Variants in ARIH1 observed in about 807,000 individuals in gnomAD.
ARIH1 encodes the protein E3 ubiquitin-protein ligase ARIH1.
In ARIH1, 8 loss-of-function variants were observed where a neutral mutation model predicts 85.0. The observed-to-expected ratio is 0.09, with a 90% CI of 0.06 to 0.17. The LOEUF (loss-of-function observed/expected upper bound fraction) is 0.17. Ranked by LOEUF, ARIH1 falls within the 10% of genes least tolerant of loss-of-function variation. The pLI is 1.00. For missense variants in ARIH1, 311 were observed against 718.1 expected, an observed-to-expected ratio of 0.43 and a Z score of 6.48; for synonymous variants, 238 against 253.6, an observed-to-expected ratio of 0.94 and a Z score of 0.59.
chr15:72,518,908 G>C (rs1224086783), intron 2 of ARIH1, among the ~76,000 whole-genome samples: 2 of 152,060 alleles, frequency 1.3e-5, no homozygotes, highest in Non-Finnish European at 2.9e-5. Flanking sequence ...CCAGGTGCTT[G>C]GACTGGTTCT....
chr15:72,507,398 A>G (rs978756157), intron 1 of ARIH1, among the ~76,000 whole-genome samples: 8 of 152,150 alleles, frequency 5.3e-5, no homozygotes, highest in South Asian at 2.1e-4. Flanking sequence ...GTGCATCCAG[A>G]TTATGATTCT....
intron 2 of ARIH1, among the ~76,000 whole-genome samples, chr15:72,538,137 G>A (rs1018249998): frequency 3.3e-5 from 5 of 152,140 alleles, no homozygotes; most frequent in African/African-American, 1.2e-4. Context: ...GCTGAGGTGG[G>A]CAGATCACTT....
At chr15:72,553,762 CA>C (rs2064162771) in intron 3 of ARIH1, among the ~76,000 whole-genome samples, 1 of 152,218 alleles carries the variant, frequency 6.6e-6, no homozygotes, top group African/African-American at 2.4e-5. Context: ...ACTAAAAATA[CA>C]AAAATTAGCT....
chr15:72,567,232 T>G, intron 9 of ARIH1, 55 bp downstream of exon 9: 1 of 1,446,606 alleles, frequency 6.9e-7, no homozygotes, highest in East Asian at 2.4e-5. Flanking sequence ...GATTGGTACT[T>G]TGGCATTAGC....
intron 5 of ARIH1, among the ~76,000 whole-genome samples, chr15:72,557,956 G>C (rs1297746587): frequency 6.6e-6 from 1 of 152,072 alleles, no homozygotes; most frequent in Non-Finnish European, 1.5e-5. Flanking sequence ...GAGTCTTTAG[G>C]GTTATTTCTA....
chr15:72,515,520 A>C (rs1217902982), intron 1 of ARIH1, among the ~76,000 whole-genome samples: 1 of 152,034 alleles, frequency 6.6e-6, no homozygotes, highest in East Asian at 1.9e-4. Context: ...GGACATTTTG[A>C]ATATTGTATT....
At position 72,474,755 on chromosome 15, in the gene ARIH1, C is replaced by T. The variant is rs751293008; in HGVS notation, c.116C>T (p.Thr39Ile). 17 of 1,553,368 alleles carry T rather than the reference C, an allele frequency of 1.1e-5. No homozygotes were observed. The highest frequency in any genetic ancestry group is 1.5e-5 in the Non-Finnish European group (17 of 1,150,564). The stretch of plus-strand genomic sequence containing the variant: ...GACGACGACGAGCCGGACGATGATA[C>T]CCTGGATCTGGGCGAGGTGGAGCTG... Reference protein sequence around the residue: ...DEDDDEPDDDTLDLGEVELVE... With the variant: ...DEDDDEPDDDILDLGEVELVE... Residue 39 changes from threonine (T) to isoleucine (I), a missense_variant, in exon 1 of 14, where the codon ACC becomes ATC. By Grantham distance (89) the Thr-to-Ile change is moderately conservative (BLOSUM62 -1). Coordinates refer to ENST00000379887, the MANE Select transcript of ARIH1 (RefSeq NM_005744.5).
chr15:72,595,808 G>GTTTTTTTTTTTTTTTTTTCTTTT lies in ARIH1; in HGVS notation c.*12535_*12536insTTTTTTTTTTTTTTTTTTTTTTC, dbSNP rs2064361248. 1 of 122,836 alleles carries GTTTTTTTTTTTTTTTTTTCTTTT rather than the reference G, an allele frequency of 8.1e-6. No homozygotes were observed. Among genetic ancestry groups the GTTTTTTTTTTTTTTTTTTCTTTT allele is most frequent in the Non-Finnish European group, 1.7e-5 (1 of 57,682 alleles). The allele number at this position is 122,836 out of a possible 1,614,324, so 7.6% of individuals were successfully genotyped here. ...TATTGCAGTGTTTTTTGTTTTTTCT[G>GTTTTTTTTTTTTTTTTTTCTTTT]TTTTTTTTTTTTTTTTTTCATCTTT... On this transcript the variant is annotated 3_prime_UTR_variant, in exon 14 of 14. Coordinates refer to ENST00000379887, the MANE Select transcript of ARIH1 (RefSeq NM_005744.5).
At chr15:72,522,734 AT>A (rs1167918190) in intron 2 of ARIH1, among the ~76,000 whole-genome samples, 2 of 152,230 alleles carry the variant, frequency 1.3e-5, no homozygotes, top group Non-Finnish European at 2.9e-5. Flanking sequence ...CTGAGAAGAT[AT>A]TTGCAAAAGA....
intron 1 of ARIH1, among the ~76,000 whole-genome samples, chr15:72,497,322 CTA>C (rs972587250): frequency 1.3e-5 from 2 of 152,062 alleles, no homozygotes; most frequent in African/African-American, 4.8e-5. Flanking sequence ...TGAAAATAAT[CTA>C]AATCTTCCTG....
intron 2 of ARIH1, among the ~76,000 whole-genome samples, chr15:72,538,747 G>C (rs1198847323): frequency 6.6e-6 from 1 of 152,202 alleles, no homozygotes; most frequent in Admixed American, 6.5e-5. Context: ...ATTCTGGAAA[G>C]TTGTCTGAGT....
At chr15:72,559,581 T>C (rs1191684802) in intron 5 of ARIH1, among the ~76,000 whole-genome samples, 1 of 152,192 alleles carries the variant, frequency 6.6e-6, no homozygotes, top group Non-Finnish European at 1.5e-5. Flanking sequence ...AGCAACTGTA[T>C]TTTTAAGTAT....
In ARIH1 at chr15:72,596,551, TCTC is replaced by T. The variant is rs1237714487; in HGVS notation, c.*13263_*13265del. ...TTCTCTTGTCTCATACTCTCTTGCT[TCTC>T]CTCTTCTTTGGAGATTCTAGTTACA... is the stretch of plus-strand genomic sequence containing the variant. On this transcript the variant is annotated 3_prime_UTR_variant, in exon 14 of 14. Coordinates refer to ENST00000379887, the MANE Select transcript of ARIH1 (RefSeq NM_005744.5). The T allele has an allele frequency of 1.3e-5, 2 of 152,220 alleles. No individual in the cohort carries two copies. Among genetic ancestry groups the T allele is most frequent in the Admixed American group, 1.3e-4 (2 of 15,284 alleles). The allele number at this position is 152,220 out of a possible 1,614,324, so 9.4% of individuals were successfully genotyped here.
At chr15:72,516,824 T>C (rs1198048516) in intron 1 of ARIH1, among the ~76,000 whole-genome samples, 1 of 152,226 alleles carries the variant, frequency 6.6e-6, no homozygotes, top group Non-Finnish European at 1.5e-5. Context: ...GGTCTGCTTG[T>C]GGTGAAGTAA....
At chr15:72,495,558 A>T (rs889028035) in intron 1 of ARIH1, among the ~76,000 whole-genome samples, 1 of 152,232 alleles carries the variant, frequency 6.6e-6, no homozygotes, top group Admixed American at 6.5e-5. Context: ...TAAACAAAAG[A>T]ATATACAAAT....
chr15:72,530,708 T>G (rs1489330586), intron 2 of ARIH1, among the ~76,000 whole-genome samples: 1 of 152,178 alleles, frequency 6.6e-6, no homozygotes, highest in African/African-American at 2.4e-5. Flanking sequence ...CATTCAGATT[T>G]GGAAAAAAAT....
intron 7 of ARIH1, 50 bp from the exon 8 acceptor site, chr15:72,566,513 C>T: frequency 6.8e-7 from 1 of 1,465,204 alleles, no homozygotes; most frequent in Non-Finnish European, 9.5e-7. Flanking sequence ...TATTTACTTG[C>T]TTACAGTAGG....
chr15:72,546,688 TTTTG>T (rs934373521), intron 3 of ARIH1, among the ~76,000 whole-genome samples: 28 of 151,886 alleles, frequency 1.8e-4, no homozygotes, highest in Non-Finnish European at 2.2e-4. Context: ...GTTTGTTTTG[TTTTG>T]TTTGTTTGTT....
rs558897453 is a variant in ARIH1, at chr15:72,592,834, C to T, written c.*9542C>T. The T allele has an allele frequency of 1.3e-4, 20 of 152,120 alleles. No homozygotes were observed. Among genetic ancestry groups the T allele is most frequent in the Admixed American group, 1.2e-3 (18 of 15,290 alleles). 9.4% of individuals were successfully genotyped at this position (152,120 alleles called of 1,614,324 possible). The stretch of plus-strand genomic sequence containing the variant: ...TATTGAAGGACCTTTAGGTTGTTTC[C>T]AGTTTGGGGCAATTATGAATAAGGA... On this transcript the variant is annotated 3_prime_UTR_variant, in exon 14 of 14. Coordinates refer to ENST00000379887, the MANE Select transcript of ARIH1 (RefSeq NM_005744.5).
Sources: gnomAD v4.1 joint callset for allele counts (sites outside exome capture counted in the v4.1 genomes callset) on GRCh38, gnomAD v4.1.1 for gene constraint, MANE v1.5 for transcripts, NCBI Gene and HGNC (gene_info 2026-07-23, HGNC 2026-07-21) for gene names.